SUGCT: variants seen among roughly 807,000 people sequenced by gnomAD.
SUGCT encodes succinyl-CoA:glutarate CoA-transferase.
In SUGCT, 41 loss-of-function variants were observed where a neutral mutation model predicts 55.0. That is an observed-to-expected ratio of 0.74 (90% CI 0.58 to 0.97). The LOEUF (loss-of-function observed/expected upper bound fraction) is 0.97, where lower values mean the gene tolerates loss of function less well. SUGCT is among the 50% of genes least tolerant of loss of function. SUGCT has a pLI of 0.00. For synonymous variants in SUGCT, 187 were observed against 200.4 expected, an observed-to-expected ratio of 0.93 and a Z score of 0.56; for missense variants, 568 against 547.8, an observed-to-expected ratio of 1.04 and a Z score of -0.37.
At chr7:40,867,636 C>G in the SUGCT span, among the ~76,000 whole-genome samples, 1 of 152,148 alleles carries the variant, frequency 6.6e-6, no homozygotes, top group African/African-American at 2.4e-5. Context: ...TGAGAAGATA[C>G]AGCAGTGAAC....
chr7:40,651,071 A>G (rs551139035), intron 12 of SUGCT, among the ~76,000 whole-genome samples: 12 of 152,300 alleles, frequency 7.9e-5, no homozygotes, highest in African/African-American at 2.6e-4. Context: ...TTATGGCTGC[A>G]TAGTATTCCA....
At chr7:40,238,799 GA>G (rs989330101) in intron 7 of SUGCT, among the ~76,000 whole-genome samples, 4 of 147,624 alleles carry the variant, frequency 2.7e-5, no homozygotes, top group Non-Finnish European at 5.9e-5. Context: ...ACAAGTCTTA[GA>G]AAAAAATGTG....
intron 13 of SUGCT, among the ~76,000 whole-genome samples, chr7:40,857,568 T>C (rs1253550629): frequency 1.3e-5 from 1 of 74,590 alleles, no homozygotes; most frequent in East Asian, 3.7e-4. Flanking sequence ...CAGAAAAGTA[T>C]GGCATACAGT....
intron 9 of SUGCT, among the ~76,000 whole-genome samples, chr7:40,428,914 C>T (rs562628497): frequency 3.3e-5 from 5 of 152,264 alleles, no homozygotes; most frequent in African/African-American, 1.2e-4. Flanking sequence ...TGAGAGGATA[C>T]CTCTTGTAAC....
At chr7:41,019,302 G>GAC in the SUGCT span, among the ~76,000 whole-genome samples, 40 of 152,150 alleles carry the variant, frequency 2.6e-4, no homozygotes, top group Admixed American at 9.8e-4. Context: ...GATGCACACC[G>GAC]ATTTACATGT....
At chr7:40,140,701 A>C (rs1483389868) in intron 1 of SUGCT, among the ~76,000 whole-genome samples, 1 of 152,104 alleles carries the variant, frequency 6.6e-6, no homozygotes, top group South Asian at 2.1e-4. Flanking sequence ...ACCTGGCCCT[A>C]TGTGTCTGTT....
the SUGCT span, among the ~76,000 whole-genome samples, chr7:41,032,208 A>G: frequency 6.6e-6 from 1 of 152,292 alleles, no homozygotes; most frequent in African/African-American, 2.4e-5. Context: ...ACATCTCCAG[A>G]CTTGGGGTAC....
chr7:40,471,304 A>G (rs1790391090), intron 11 of SUGCT, among the ~76,000 whole-genome samples: 1 of 151,928 alleles, frequency 6.6e-6, no homozygotes, highest in South Asian at 2.1e-4. Context: ...AAATGGTTAC[A>G]TTTCTTAGAC....
chr7:40,321,162 G>A (rs1277452313), intron 9 of SUGCT, among the ~76,000 whole-genome samples: 1 of 138,784 alleles, frequency 7.2e-6, no homozygotes, highest in Admixed American at 8.1e-5. Flanking sequence ...TGCAACCTCT[G>A]CCTCCTCGGT....
chr7:40,702,046 C>T (rs1341839662), intron 12 of SUGCT, among the ~76,000 whole-genome samples: 1 of 152,230 alleles, frequency 6.6e-6, no homozygotes, highest in Non-Finnish European at 1.5e-5. Flanking sequence ...CAGGATTCAA[C>T]TCTCACTTTG....
chr7:40,220,203 G>A (rs1787945426), intron 6 of SUGCT, among the ~76,000 whole-genome samples: 1 of 152,068 alleles, frequency 6.6e-6, no homozygotes, highest in Non-Finnish European at 1.5e-5. Flanking sequence ...CTCTCTATAA[G>A]TGTTTTGATG....
intron 8 of SUGCT, among the ~76,000 whole-genome samples, chr7:40,295,785 G>A (rs987705244): frequency 6.6e-6 from 1 of 152,106 alleles, no homozygotes; most frequent in East Asian, 1.9e-4. Flanking sequence ...GCCTATTTAG[G>A]TGCATAGATA....
At chr7:40,960,663 C>T in the SUGCT span, among the ~76,000 whole-genome samples, 2 of 152,288 alleles carry the variant, frequency 1.3e-5, no homozygotes, top group African/African-American at 4.8e-5. Context: ...ATCTTGGAGA[C>T]ATTTGGGTAA....
At chr7:40,299,814 C>A (rs201736189) in intron 8 of SUGCT, among the ~76,000 whole-genome samples, 1 of 152,010 alleles carries the variant, frequency 6.6e-6, no homozygotes, top group East Asian at 1.9e-4. Context: ...TTTTTGGAAT[C>A]AACAATTTTT....
chr7:40,308,118 G>T (rs1794936648), intron 8 of SUGCT, among the ~76,000 whole-genome samples: 1 of 152,184 alleles, frequency 6.6e-6, no homozygotes, highest in Admixed American at 6.5e-5. Context: ...AAGTACAGGG[G>T]ATAGTAGAGG....
intron 12 of SUGCT, among the ~76,000 whole-genome samples, chr7:40,664,891 A>G (rs1053285080): frequency 1.3e-5 from 2 of 150,936 alleles, no homozygotes; most frequent in African/African-American, 4.9e-5. Flanking sequence ...GAGGCAGGAG[A>G]ATGGCGTGAA....
chr7:40,632,393 G>A (rs1031912237), intron 12 of SUGCT, among the ~76,000 whole-genome samples: 1 of 151,602 alleles, frequency 6.6e-6, no homozygotes, highest in Non-Finnish European at 1.5e-5. Flanking sequence ...CTCCTTAGGT[G>A]GTCTGTGATT....
intron 12 of SUGCT, among the ~76,000 whole-genome samples, chr7:40,684,833 G>C (rs1038830943): frequency 2.0e-5 from 3 of 151,902 alleles, no homozygotes; most frequent in Non-Finnish European, 1.5e-5. Context: ...GAGTTTTCGT[G>C]GTTGTTTTTG....
chr7:40,833,720 A>C (rs529273705), intron 13 of SUGCT, among the ~76,000 whole-genome samples: 3 of 152,284 alleles, frequency 2.0e-5, no homozygotes, highest in African/African-American at 7.2e-5. Context: ...TTCTGGACTG[A>C]ATGAGTCAGT....
Sources: allele counts gnomAD v4.1 joint callset (sites outside exome capture counted in the v4.1 genomes callset), GRCh38; gene constraint gnomAD v4.1.1; transcripts MANE v1.5; gene names NCBI Gene and HGNC (gene_info 2026-07-23, HGNC 2026-07-21).